Variants in KYAT3 observed in about 807,000 individuals in gnomAD.
KYAT3 encodes kynurenine--oxoglutarate transaminase 3.
Under a neutral mutation model 59.0 loss-of-function variants are expected in KYAT3, and 50 were observed. The observed-to-expected ratio is 0.85, with a 90% CI of 0.68 to 1.07. The LOEUF is 1.07. Ranked by LOEUF, KYAT3 falls within the 50% of genes least tolerant of loss-of-function variation. The pLI, the probability that KYAT3 is intolerant of heterozygous loss-of-function variation, is 0.00. For synonymous variants in KYAT3, 148 were observed against 177.0 expected, an observed-to-expected ratio of 0.84 and a Z score of 1.30; for missense variants, 497 against 533.3, an observed-to-expected ratio of 0.93 and a Z score of 0.67.
At chr1:88,952,583 A>G (rs1675722039) in intron 10 of KYAT3, among the ~76,000 whole-genome samples, 1 of 152,092 alleles carries the variant, frequency 6.6e-6, no homozygotes, top group African/African-American at 2.4e-5. Flanking sequence ...TTCCACCATT[A>G]TTGTAAGTTT....
downstream of KYAT3, among the ~76,000 whole-genome samples, chr1:88,931,860 T>C (rs1268125725): frequency 1.5e-5 from 2 of 129,216 alleles, no homozygotes; most frequent in East Asian, 4.5e-4. Context: ...ATGGGAGCTC[T>C]GTCTTCACTC....
In KYAT3 at chr1:88,955,176, T is replaced by C; in HGVS notation, c.837A>G (p.Gly279=). 1 of 1,612,528 alleles carries C rather than the reference T, an allele frequency of 6.2e-7. No individual in the cohort carries two copies. Among genetic ancestry groups the C allele is most frequent in the Non-Finnish European group, 8.5e-7 (1 of 1,178,716 alleles). ...TCCAGCCAGTTACACTGAAAGTCTT[T>C]CCAGCACTTCCTATTGTTATTGTTC... The part of the protein sequence containing the change: ...WERTITIGSA[G]KTFSVTGWKL... Residue 279 remains glycine, a synonymous_variant, in exon 9 of 14, where the codon GGA becomes GGG. Coordinates refer to ENST00000260508, the MANE Select transcript of KYAT3 (RefSeq NM_001008661.3).
At chr1:88,983,040 T>C in intron 2 of KYAT3, 2 of 1,612,744 alleles carry the variant, frequency 1.2e-6, no homozygotes, top group Non-Finnish European at 1.7e-6. Context: ...TATCCATCTC[T>C]ATCGCCATAG....
At chr1:88,937,200 G>T (rs1675073150) in intron 13 of KYAT3, among the ~76,000 whole-genome samples, 1 of 152,150 alleles carries the variant, frequency 6.6e-6, no homozygotes, top group African/African-American at 2.4e-5. Context: ...GCCTGGTATG[G>T]GGTATTGGAG....
At position 88,964,940 on chromosome 1, in the gene KYAT3, A is replaced by G. The variant is rs1326534490; in HGVS notation, c.342T>C (p.Tyr114=). The change falls in exon 5 of 14, where the codon TAT becomes TAC. Residue 114 remains tyrosine (Y), a synonymous_variant. Transcript: ENST00000260508. ...PSLVKALSYL[Y]EKLYQKQIDS... The stretch of plus-strand genomic sequence containing the variant: ...CAATTTGCTTTTGATAAAGCTTTTC[A>G]TACAGATAGGACAGAGCTTTCACAA... 6.2e-7 allele frequency: 1 copy of G among 1,610,458 alleles called. No individual in the cohort carries two copies. The highest frequency in any genetic ancestry group is 1.1e-5 in the South Asian group (1 of 90,106).
intron 2 of KYAT3, among the ~76,000 whole-genome samples, chr1:88,970,958 A>T (rs916218969): frequency 4.6e-5 from 7 of 152,192 alleles, no homozygotes; most frequent in Admixed American, 3.9e-4. Context: ...CAGTGAAGTA[A>T]ATCACATGAA....
At chr1:88,988,042 A>G (rs1677570370) in intron 2 of KYAT3, among the ~76,000 whole-genome samples, 1 of 152,220 alleles carries the variant, frequency 6.6e-6, no homozygotes, top group Non-Finnish European at 1.5e-5. Context: ...TAATGAATAT[A>G]TAATGACCAG....
At chr1:88,984,019 A>C in intron 2 of KYAT3, 1 of 506,024 alleles carries the variant, frequency 2.0e-6, no homozygotes, top group Non-Finnish European at 3.7e-6. Flanking sequence ...AACCAGGAAA[A>C]TTACTTTCTT....
intron 4 of KYAT3, among the ~76,000 whole-genome samples, chr1:88,968,163 C>A (rs1204874382): frequency 6.6e-6 from 1 of 152,248 alleles, no homozygotes; most frequent in East Asian, 1.9e-4. Context: ...AAGGAAAAGA[C>A]AAGTGGTCAG....
chr1:88,931,226 C>A (rs1674900688), downstream of KYAT3, among the ~76,000 whole-genome samples: 1 of 152,180 alleles, frequency 6.6e-6, no homozygotes, highest in African/African-American at 2.4e-5. Flanking sequence ...ATAGTCAGGG[C>A]CTGTGAAGTG....
At position 88,936,139 on chromosome 1, in the gene KYAT3, C is replaced by A; in HGVS notation, c.*44G>T. ...AGGTGGCAGCACTAAGTAACAATTC[C>A]ATACTAGGTCATCTAACAGAAACAT... On this transcript the variant is annotated 3_prime_UTR_variant, in exon 14 of 14. Transcript: ENST00000260508. 2 of 1,343,186 alleles carry A rather than the reference C, an allele frequency of 1.5e-6. No homozygotes were observed. The highest frequency in any genetic ancestry group is 2.1e-6 in the Non-Finnish European group (2 of 948,684). The allele number at this position is 1,343,186 out of a possible 1,614,324, so 83.2% of individuals were successfully genotyped here. A position where few individuals can be genotyped will look rare whatever the true frequency, so the allele number is the denominator to read the frequency against.
chr1:88,955,976 C>G (rs1472185809), intron 8 of KYAT3, among the ~76,000 whole-genome samples: 1 of 152,176 alleles, frequency 6.6e-6, no homozygotes, highest in East Asian at 1.9e-4. Flanking sequence ...ATCTGTGCAA[C>G]TATCACCATA....
chr1:88,922,469 C>T, the KYAT3 span, among the ~76,000 whole-genome samples: 3 of 152,154 alleles, frequency 2.0e-5, no homozygotes, highest in African/African-American at 7.2e-5. Context: ...AGGAGGTGAG[C>T]GGTGGGTGAG....
intron 1 of KYAT3, among the ~76,000 whole-genome samples, chr1:88,991,186 T>C (rs1677774560): frequency 6.6e-6 from 1 of 152,140 alleles, no homozygotes; most frequent in Non-Finnish European, 1.5e-5. Flanking sequence ...GGCCCGAAGC[T>C]GAGAAAGCTG....
intron 13 of KYAT3, among the ~76,000 whole-genome samples, chr1:88,941,585 C>T (rs2101015585): frequency 6.7e-6 from 1 of 149,288 alleles, no homozygotes; most frequent in South Asian, 2.1e-4. Context: ...GTATTCTGGT[C>T]TCCGCTGTTT....
intron 2 of KYAT3, among the ~76,000 whole-genome samples, chr1:88,985,921 CT>C (rs1677423037): frequency 6.6e-6 from 1 of 152,092 alleles, no homozygotes. Context: ...TGACTCATGC[CT>C]GTAATCTCAG....
intron 2 of KYAT3, among the ~76,000 whole-genome samples, chr1:88,986,896 C>A (rs556052983): frequency 6.6e-6 from 1 of 152,080 alleles, no homozygotes; most frequent in African/African-American, 2.4e-5. Context: ...TATCCCTGTG[C>A]GACTATTTTA....
the KYAT3 span, among the ~76,000 whole-genome samples, chr1:88,924,672 T>C: frequency 6.6e-6 from 1 of 152,236 alleles, no homozygotes; most frequent in African/African-American, 2.4e-5. Flanking sequence ...TTTGCCGCCA[T>C]CGCAGACTCG....
chr1:88,954,912 C>T (rs1443479496), intron 9 of KYAT3, among the ~76,000 whole-genome samples: 2 of 152,146 alleles, frequency 1.3e-5, no homozygotes, highest in Non-Finnish European at 2.9e-5. Flanking sequence ...CAGGCATGCA[C>T]CACCCTGCCT....
Sources: allele counts gnomAD v4.1 joint callset (sites outside exome capture counted in the v4.1 genomes callset), GRCh38; gene constraint gnomAD v4.1.1; transcripts MANE v1.5; gene names NCBI Gene and HGNC (gene_info 2026-07-23, HGNC 2026-07-21).